The following SREK1 variants were observed in gnomAD, a reference collection of about 807,000 sequenced individuals.
SREK1 encodes splicing regulatory glutamic acid and lysine rich protein 1.
In SREK1, 13 loss-of-function variants were observed where a neutral mutation model predicts 66.5. The observed-to-expected ratio is 0.20, with a 90% CI of 0.13 to 0.31. The LOEUF (loss-of-function observed/expected upper bound fraction) is 0.31, where lower values mean the gene tolerates loss of function less well. Ranked by LOEUF, SREK1 falls within the 10% of genes least tolerant of loss-of-function variation. SREK1 has a pLI of 1.00. For synonymous variants in SREK1, 265 were observed against 263.5 expected (o/e 1.01, Z -0.05); for missense variants, 607 against 769.6 (o/e 0.79, Z 2.50).
intron 3 of SREK1, 96 bp downstream of exon 3, chr5:66,159,430 C>CT (rs34136434): frequency 0.052 from 32,459 of 618,632 alleles, no homozygotes; most frequent in Non-Finnish European, 0.057. Flanking sequence ...GGATCTTCTT[C>CT]TTTTTTTTTT....
At chr5:66,155,271 T>C (rs1744191782) in intron 2 of SREK1, among the ~76,000 whole-genome samples, 1 of 152,238 alleles carries the variant, frequency 6.6e-6, no homozygotes, top group African/African-American at 2.4e-5. Flanking sequence ...TTACTGTTTT[T>C]GAACAGAAAA....
At position 66,182,386 on chromosome 5, in the gene SREK1, A is replaced by C. The variant is rs1269678342; in HGVS notation, c.*3518A>C. 6.6e-6 allele frequency: 1 copy of C among 152,128 alleles called. No homozygotes were observed. Among genetic ancestry groups the C allele is most frequent in the Middle Eastern group, 3.2e-3 (1 of 316 alleles). The allele number at this position is 152,128 out of a possible 1,614,324, so 9.4% of individuals were successfully genotyped here. On this transcript the variant is annotated 3_prime_UTR_variant, in exon 12 of 12. Transcript: ENST00000334121. ...ACTTAAAATTAGATGTTTATTTTCAAATTTTAAAAGCTAGTGCTCTTAAAA... is the reference window on the plus strand; with the variant it reads ...ACTTAAAATTAGATGTTTATTTTCACATTTTAAAAGCTAGTGCTCTTAAAA...
At chr5:66,169,971 C>T in intron 7 of SREK1, 80 bp from the exon 8 acceptor site, 2 of 1,180,886 alleles carry the variant, frequency 1.7e-6, no homozygotes, top group Non-Finnish European at 2.3e-6. Context: ...TTGTTAAATA[C>T]TGTTAGGATA....
chr5:66,155,224 C>A (rs1744183135), intron 2 of SREK1, among the ~76,000 whole-genome samples: 3 of 152,094 alleles, frequency 2.0e-5, no homozygotes, highest in Middle Eastern at 6.8e-3. Context: ...GTCAGATGTA[C>A]CTTTTTAGTG....
intron 1 of SREK1, chr5:66,144,920 A>T (rs1743027078): frequency 1.0e-6 from 1 of 995,244 alleles, no homozygotes; most frequent in African/African-American, 1.7e-5. Context: ...TCCACTCTGA[A>T]AATCGCGGAG....
At position 66,144,499 on chromosome 5, in the gene SREK1, C is replaced by T. The variant is rs975152116; in HGVS notation, c.123C>T (p.Phe41=). Reference sequence around the variant, plus strand: ...AGCAGATGCGGACGCTTTTTTCCTTCCTAGGAGAAATCGAGGAGCTGCGGC... The same window carrying T: ...AGCAGATGCGGACGCTTTTTTCCTTTCTAGGAGAAATCGAGGAGCTGCGGC... ...TSEQMRTLFS[F]LGEIEELRLY... Residue 41 remains phenylalanine, a synonymous_variant, in exon 1 of 12, where the codon TTC becomes TTT. Transcript: ENST00000334121. The T allele has an allele frequency of 1.5e-5, 24 of 1,553,350 alleles. No homozygotes were observed. The Admixed American group carries it at 2.5e-4, about 16-fold the overall frequency.
intron 2 of SREK1, chr5:66,158,056 A>C (rs1162829520): frequency 6.7e-6 from 1 of 150,220 alleles, no homozygotes; most frequent in Non-Finnish European, 1.5e-5. Flanking sequence ...ATGCTTTACC[A>C]GCTACCACAT....
intron 2 of SREK1, among the ~76,000 whole-genome samples, chr5:66,155,496 T>G (rs562980194): frequency 6.6e-6 from 1 of 152,170 alleles, no homozygotes; most frequent in Admixed American, 6.5e-5. Flanking sequence ...ATTATTGTAC[T>G]AAAAAAGATA....
rs1746643801 is a variant in SREK1, at chr5:66,183,268, AAGAAT to A, written c.*4403_*4407del. 2 of 152,196 alleles carry A rather than the reference AAGAAT, an allele frequency of 1.3e-5. No individual in the cohort carries two copies. Among genetic ancestry groups the A allele is most frequent in the African/African-American group, 4.8e-5 (2 of 41,436 alleles). 9.4% of individuals were successfully genotyped at this position (152,196 alleles called of 1,614,324 possible). A position where few individuals can be genotyped will look rare whatever the true frequency, so the allele number is the denominator to read the frequency against. ...TATAAATTCATAAAAATCACACTGA[AAGAAT>A]AGGTTGATTTCAACCATTTTGAGGG... On this transcript the variant is annotated 3_prime_UTR_variant, in exon 12 of 12. Transcript: ENST00000334121.
chr5:66,175,615 T>C (rs1745997222), intron 10 of SREK1, among the ~76,000 whole-genome samples: 1 of 152,186 alleles, frequency 6.6e-6, no homozygotes, highest in Non-Finnish European at 1.5e-5. Flanking sequence ...ATGGCATTGT[T>C]AAGTTAGATA....
chr5:66,154,680 G>C (rs1262574172), intron 2 of SREK1, among the ~76,000 whole-genome samples: 1 of 152,096 alleles, frequency 6.6e-6, no homozygotes, highest in Non-Finnish European at 1.5e-5. Context: ...TACCAGGCTC[G>C]TATTTTTTAA....
At chr5:66,151,134 C>A (rs1743764994) in intron 1 of SREK1, among the ~76,000 whole-genome samples, 1 of 152,140 alleles carries the variant, frequency 6.6e-6, no homozygotes, top group South Asian at 2.1e-4. Context: ...AGCCACCCTG[C>A]CTGGCTGACA....
At chr5:66,163,496 TA>T (rs1744931436) in intron 5 of SREK1, 1 of 223,846 alleles carries the variant, frequency 4.5e-6, no homozygotes, top group Admixed American at 5.2e-5. Flanking sequence ...ATCAACATTT[TA>T]ATTTATTTTA....
At position 66,164,810 on chromosome 5, in the gene SREK1, G is replaced by GCGA; in HGVS notation, c.916_917insACG (p.Gly305_Gly306insAsp). On this transcript the variant is annotated inframe_insertion, in exon 7 of 12. Coordinates refer to ENST00000334121, the MANE Select transcript of SREK1 (RefSeq NM_001077199.3). Reference sequence around the variant, plus strand: ...TCTGGAAAGAGCAATGAAAGAAAAGGCGGTCGATCTCGTTCCCATACTCGC... The same window carrying GCGA: ...TCTGGAAAGAGCAATGAAAGAAAAGGCGACGGTCGATCTCGTTCCCATACTCGC... 2 of 1,614,052 alleles carry GCGA rather than the reference G, an allele frequency of 1.2e-6. No individual in the cohort carries two copies. Among genetic ancestry groups the GCGA allele is most frequent in the Non-Finnish European group, 1.7e-6 (2 of 1,179,938 alleles).
rs1744416343 is a variant in SREK1, at chr5:66,157,785, G to A, written c.296-1434G>A. On this transcript the variant is annotated intron_variant, in intron 2 of 11. Transcript: ENST00000334121. ...ATGCTGCAAAGGTAGAAAATAGTAG[G>A]TTTTATTTGCTTCCTATAAATAAGG... is the stretch of plus-strand genomic sequence containing the variant. 19 of 852,898 alleles carry A rather than the reference G, an allele frequency of 2.2e-5. No homozygotes were observed. In the South Asian group the frequency reaches 8.1e-4, roughly 36 times the overall value. 52.8% of individuals were successfully genotyped at this position (852,898 alleles called of 1,614,324 possible). A position where few individuals can be genotyped will look rare whatever the true frequency, so the allele number is the denominator to read the frequency against.
intron 2 of SREK1, chr5:66,156,460 C>G: frequency 1.9e-6 from 2 of 1,027,200 alleles, no homozygotes; most frequent in East Asian, 8.7e-5. Flanking sequence ...TGTTGTGAAG[C>G]TCATTGTGAG....
At chr5:66,167,766 T>G (rs555897929) in intron 7 of SREK1, 7 of 152,350 alleles carry the variant, frequency 4.6e-5, no homozygotes, top group African/African-American at 1.7e-4. Context: ...AAAATAAGTT[T>G]TGCTTAAGGT....
At chr5:66,154,194 G>A (rs1695843847) in intron 2 of SREK1, among the ~76,000 whole-genome samples, 1 of 152,200 alleles carries the variant, frequency 6.6e-6, no homozygotes, top group Non-Finnish European at 1.5e-5. Flanking sequence ...ATTTTCCAAA[G>A]CCTCCATGAA....
At chr5:66,147,387 T>G (rs1743335198) in intron 1 of SREK1, among the ~76,000 whole-genome samples, 1 of 152,234 alleles carries the variant, frequency 6.6e-6, no homozygotes, top group Non-Finnish European at 1.5e-5. Context: ...TGAGGTTTAA[T>G]GTACCTACAG....
Sources: allele counts gnomAD v4.1 joint callset (sites outside exome capture counted in the v4.1 genomes callset), GRCh38; gene constraint gnomAD v4.1.1; transcripts MANE v1.5; gene names NCBI Gene and HGNC (gene_info 2026-07-23, HGNC 2026-07-21).